ARHGAP32: variants seen among roughly 807,000 people sequenced by gnomAD.
The protein encoded by ARHGAP32 is Rho GTPase activating protein 32.
In ARHGAP32, 51 loss-of-function variants were observed where a neutral mutation model predicts 186.5. The observed-to-expected ratio is 0.27, with a 90% CI of 0.22 to 0.35. The LOEUF is 0.35. Ranked by LOEUF, ARHGAP32 falls within the 10% of genes least tolerant of loss-of-function variation. The pLI is 1.00. For synonymous variants in ARHGAP32, 950 were observed against 964.3 expected (o/e 0.99, Z 0.27); for missense variants, 2,186 against 2,623.5 (o/e 0.83, Z 3.64).
intron 2 of ARHGAP32, among the ~76,000 whole-genome samples, chr11:129,151,672 T>A (rs958939439): frequency 1.3e-5 from 2 of 152,122 alleles, no homozygotes; most frequent in African/African-American, 4.8e-5. Context: ...TTGAGCTGAA[T>A]GATAATACTG....
At chr11:129,049,147 T>C (rs1313923043) in intron 10 of ARHGAP32, among the ~76,000 whole-genome samples, 1 of 152,096 alleles carries the variant, frequency 6.6e-6, no homozygotes, top group Non-Finnish European at 1.5e-5. Context: ...TTCGCCTGTA[T>C]ACCTTTCAAG....
At chr11:129,157,220 A>G (rs907642935) in intron 2 of ARHGAP32, among the ~76,000 whole-genome samples, 1 of 152,142 alleles carries the variant, frequency 6.6e-6, no homozygotes, top group African/African-American at 2.4e-5. Flanking sequence ...AACCAGACAG[A>G]GAATGAGTCT....
intron 2 of ARHGAP32, among the ~76,000 whole-genome samples, chr11:129,131,203 ATCTC>A (rs1437567955): frequency 6.6e-6 from 1 of 152,176 alleles, no homozygotes; most frequent in East Asian, 1.9e-4. Flanking sequence ...ACTGTTTTAT[ATCTC>A]GGTGTGGGTG....
In ARHGAP32 at chr11:129,064,023, A is replaced by G; in HGVS notation, c.764T>C (p.Ile255Thr). The change falls in exon 9 of 23, where the codon ATT (isoleucine) becomes ACT (threonine). Residue 255 changes from isoleucine (I) to threonine (T), a missense_variant and splice_region_variant. Coordinates refer to ENST00000682385, the MANE Select transcript of ARHGAP32 (RefSeq NM_001378024.1). ...CAAAAGGTGATTTCCCTTATTATCAATCTATCACAAAGAAAATGTACTATG... is the reference window on the plus strand; with the variant it reads ...CAAAAGGTGATTTCCCTTATTATCAGTCTATCACAAAGAAAATGTACTATG... ...NCGPALTWME[I>T]DNKGNHLLVH... 6.2e-7 allele frequency: 1 copy of G among 1,605,976 alleles called. No individual in the cohort carries two copies.
chr11:129,027,396 T>C (rs1282604279), intron 11 of ARHGAP32, among the ~76,000 whole-genome samples: 4 of 152,112 alleles, frequency 2.6e-5, no homozygotes, highest in Non-Finnish European at 2.9e-5. Flanking sequence ...CAACTAATTC[T>C]GAATAAAAGC....
intron 1 of ARHGAP32, among the ~76,000 whole-genome samples, chr11:129,251,709 A>C (rs1945186529): frequency 6.6e-6 from 1 of 151,972 alleles, no homozygotes; most frequent in Non-Finnish European, 1.5e-5. Context: ...GGGGATCACC[A>C]GATCAGGAGA....
At chr11:129,064,174 T>C (rs1940610140) in intron 8 of ARHGAP32, 150 bp from the exon 9 acceptor site, 3 of 646,878 alleles carry the variant, frequency 4.6e-6, no homozygotes, top group South Asian at 5.6e-5. Context: ...GTAGTAAAAA[T>C]ATGCTAGTCA....
chr11:129,179,943 A>G (rs894641733), intron 1 of ARHGAP32, among the ~76,000 whole-genome samples: 1 of 152,188 alleles, frequency 6.6e-6, no homozygotes, highest in Non-Finnish European at 1.5e-5. Context: ...TTAAAGTATA[A>G]TAATAAAAAA....
chr11:129,183,422 C>T (rs1360969388), intron 1 of ARHGAP32, among the ~76,000 whole-genome samples: 3 of 152,082 alleles, frequency 2.0e-5, no homozygotes, highest in African/African-American at 4.8e-5. Flanking sequence ...CTTTATGGTG[C>T]TGTGTATTTC....
At chr11:129,076,788 G>C (rs943387021) in intron 6 of ARHGAP32, among the ~76,000 whole-genome samples, 12 of 152,288 alleles carry the variant, frequency 7.9e-5, no homozygotes, top group African/African-American at 2.9e-4. Context: ...CGGACAGACA[G>C]AACAGCATGT....
chr11:129,160,092 G>A (rs972763891), intron 2 of ARHGAP32, among the ~76,000 whole-genome samples: 2 of 152,080 alleles, frequency 1.3e-5, no homozygotes, highest in Non-Finnish European at 2.9e-5. Context: ...GGTATTCATG[G>A]AATGTATCTC....
At chr11:129,052,525 G>A (rs1055442060) in intron 10 of ARHGAP32, among the ~76,000 whole-genome samples, 1 of 151,948 alleles carries the variant, frequency 6.6e-6, no homozygotes, top group South Asian at 2.1e-4. Context: ...CATAAAAACA[G>A]TATATCTCTC....
intron 1 of ARHGAP32, among the ~76,000 whole-genome samples, chr11:129,255,212 A>T (rs780498815): frequency 7.2e-5 from 11 of 152,104 alleles, no homozygotes; most frequent in Non-Finnish European, 1.6e-4. Flanking sequence ...AAGAGAATAA[A>T]CAAAGTCGAG....
In ARHGAP32 at chr11:128,973,091, T is replaced by C. The variant is rs766166015; in HGVS notation, c.3415A>G (p.Thr1139Ala). 3.1e-6 allele frequency: 5 copies of C among 1,614,158 alleles called. No homozygotes were observed. The highest frequency in any genetic ancestry group is 2.2e-5 in the South Asian group (2 of 91,080). Reference protein sequence around the residue: ...GNCDHPLPETTATGDPTHSNT... With the variant: ...GNCDHPLPETAATGDPTHSNT... ...GAATGGGTAGGATCCCCAGTAGCTG[T>C]TGTCTCTGGTAGAGGATGGTCACAG... Residue 1139 changes from threonine (T) to alanine (A), a missense_variant, in exon 22 of 23, where the codon ACA (threonine) becomes GCA (alanine). By Grantham distance (58) the Thr-to-Ala change is moderately conservative (BLOSUM62 0). Around this residue, in one of 5 missense-constraint regions of ARHGAP32, gnomAD observed 1,502 missense variants for 1,570.0 expected, o/e 0.96. Coordinates refer to ENST00000682385, the MANE Select transcript of ARHGAP32 (RefSeq NM_001378024.1).
chr11:129,062,149 T>C (rs1940526083), intron 10 of ARHGAP32, 131 bp downstream of exon 10: 1 of 710,092 alleles, frequency 1.4e-6, no homozygotes, highest in Non-Finnish European at 2.5e-6. Context: ...CATTACTATC[T>C]GCATTTTCTA....
chr11:129,049,753 A>C (rs1196741956), intron 10 of ARHGAP32, among the ~76,000 whole-genome samples: 1 of 152,188 alleles, frequency 6.6e-6, no homozygotes, highest in Non-Finnish European at 1.5e-5. Flanking sequence ...TTGTATGGAC[A>C]CCACCATTTG....
chr11:129,211,760 A>G (rs1216470450), intron 1 of ARHGAP32, among the ~76,000 whole-genome samples: 1 of 152,244 alleles, frequency 6.6e-6, no homozygotes, highest in African/African-American at 2.4e-5. Flanking sequence ...AGGCATTTAC[A>G]TAAGAAAGAA....
chr11:129,113,009 GC>G (rs1304939571), intron 5 of ARHGAP32, among the ~76,000 whole-genome samples: 2 of 152,010 alleles, frequency 1.3e-5, no homozygotes, highest in Non-Finnish European at 2.9e-5. Flanking sequence ...GATTGAAATG[GC>G]AGACAAATGT....
At chr11:129,190,577 T>G (rs1048858339) in intron 1 of ARHGAP32, among the ~76,000 whole-genome samples, 5 of 152,208 alleles carry the variant, frequency 3.3e-5, no homozygotes, top group African/African-American at 1.2e-4. Context: ...ACAAATTTGC[T>G]TTTAACTGTC....
Sources: gnomAD v4.1 joint callset for allele counts (sites outside exome capture counted in the v4.1 genomes callset) on GRCh38, gnomAD v4.1.1 for gene constraint, gnomAD v4.1.1 regional missense constraint, MANE v1.5 for transcripts, NCBI Gene and HGNC (gene_info 2026-07-23, HGNC 2026-07-21) for gene names.